RBFOX1: variants seen among roughly 807,000 people sequenced by gnomAD.
The protein encoded by RBFOX1 is RNA binding protein fox-1 homolog 1.
RBFOX1 carries 8 observed loss-of-function variants against 57.7 expected under a neutral mutation model. That is an observed-to-expected ratio of 0.14 (90% CI 0.08 to 0.25). The LOEUF (loss-of-function observed/expected upper bound fraction) is 0.25. Among genes scored for constraint, RBFOX1 ranks in the 10% least tolerant of loss-of-function variants. RBFOX1 has a pLI of 1.00. For missense variants in RBFOX1, 611 were observed against 548.5 expected, an observed-to-expected ratio of 1.11 and a Z score of -1.14; for synonymous variants, 326 against 222.4, an observed-to-expected ratio of 1.47 and a Z score of -4.15.
intron 2 of RBFOX1, among the ~76,000 whole-genome samples, chr16:5,535,318 G>C (rs1014433538): frequency 2.6e-5 from 4 of 152,158 alleles, no homozygotes; most frequent in African/African-American, 9.7e-5. Context: ...GTGTGGAAGT[G>C]GGTGGGAGTA....
intron 3 of RBFOX1, among the ~76,000 whole-genome samples, chr16:6,987,770 G>A (rs1599276361): frequency 6.6e-6 from 1 of 152,150 alleles, no homozygotes; most frequent in African/African-American, 2.4e-5. Flanking sequence ...CAGAGGGGAG[G>A]AGAATAAGAA....
intron 1 of RBFOX1, among the ~76,000 whole-genome samples, chr16:6,202,254 T>C (rs1161661303): frequency 6.6e-6 from 1 of 152,204 alleles, no homozygotes; most frequent in African/African-American, 2.4e-5. Context: ...TGTTCTCTTA[T>C]CTCAGGTATC....
chr16:6,965,145 G>A (rs2083838497), intron 3 of RBFOX1, among the ~76,000 whole-genome samples: 1 of 152,064 alleles, frequency 6.6e-6, no homozygotes, highest in Non-Finnish European at 1.5e-5. Context: ...CGGGGCCAAG[G>A]GCAACTGTAC....
intron 3 of RBFOX1, among the ~76,000 whole-genome samples, chr16:5,786,282 C>T (rs2054497719): frequency 6.6e-6 from 1 of 152,162 alleles, no homozygotes; most frequent in African/African-American, 2.4e-5. Context: ...TCCAGCTTGT[C>T]TCTTAGCTCT....
chr16:6,619,445 A>G (rs1194278498), intron 2 of RBFOX1, among the ~76,000 whole-genome samples: 5 of 152,174 alleles, frequency 3.3e-5, no homozygotes, highest in Non-Finnish European at 7.4e-5. Context: ...GTGAAACTAC[A>G]TCAATTACAG....
intron 3 of RBFOX1, among the ~76,000 whole-genome samples, chr16:7,028,891 T>C (rs2041818210): frequency 6.6e-6 from 1 of 151,106 alleles, no homozygotes; most frequent in African/African-American, 2.4e-5. Context: ...GCTCTGCCAC[T>C]CAGCTATGTG....
chr16:5,777,981 A>C (rs1338785976), intron 3 of RBFOX1, among the ~76,000 whole-genome samples: 1 of 152,158 alleles, frequency 6.6e-6, no homozygotes, highest in Non-Finnish European at 1.5e-5. Flanking sequence ...CTCATTTTGC[A>C]GAGTAGAAAA....
chr16:7,542,261 G>A (rs72773090), intron 5 of RBFOX1, among the ~76,000 whole-genome samples: 3,407 of 152,174 alleles, frequency 0.022, 69 homozygotes, highest in Non-Finnish European at 0.038. Context: ...AAATATCTAG[G>A]CAAGCAGCCA....
chr16:5,573,532 A>G (rs2046354218), intron 2 of RBFOX1, among the ~76,000 whole-genome samples: 3 of 152,216 alleles, frequency 2.0e-5, no homozygotes, highest in Non-Finnish European at 2.9e-5. Context: ...TGAGAGGTTC[A>G]GCTCCACGGA....
At position 6,734,043 on chromosome 16, in the gene RBFOX1, G is replaced by T. The variant is rs2069400868; in HGVS notation, c.-16+79393G>T. On this transcript the variant is annotated intron_variant, in intron 3 of 15. Coordinates refer to ENST00000550418, the MANE Select transcript of RBFOX1 (RefSeq NM_018723.4). ...AGTTTAACACGTGCTTATGTTTCTT[G>T]CCATGGTCATTTTAGAGAACTTATA... Among the ~76,000 whole-genome samples the T allele has an allele frequency of 2.0e-5, 3 of 152,298 alleles. 1 individual carries two copies. The Middle Eastern group carries it at 0.01, about 518-fold the overall frequency.
intron 1 of RBFOX1, among the ~76,000 whole-genome samples, chr16:6,093,960 G>C (rs1050085117): frequency 6.6e-6 from 1 of 152,074 alleles, no homozygotes; most frequent in East Asian, 1.9e-4. Context: ...TCTTCTGCCC[G>C]CCCCTGCTGG....
chr16:6,969,794 C>T (rs1433503785), intron 3 of RBFOX1, among the ~76,000 whole-genome samples: 1 of 151,896 alleles, frequency 6.6e-6, no homozygotes, highest in African/African-American at 2.4e-5. Flanking sequence ...TCTCTGGTGC[C>T]CCCTTCAGTT....
chr16:6,836,394 G>C (rs968491846), intron 3 of RBFOX1, among the ~76,000 whole-genome samples: 2 of 152,166 alleles, frequency 1.3e-5, no homozygotes, highest in African/African-American at 4.8e-5. Context: ...AAACCCCATA[G>C]GGTTTTAACC....
At chr16:6,521,260 A>G (rs1452635720) in intron 2 of RBFOX1, among the ~76,000 whole-genome samples, 2 of 152,178 alleles carry the variant, frequency 1.3e-5, no homozygotes, top group Non-Finnish European at 2.9e-5. Context: ...TCATTGGTCA[A>G]GGAAAAGGTG....
chr16:5,318,466 T>C (rs2064303992), intron 1 of RBFOX1, among the ~76,000 whole-genome samples: 2 of 152,130 alleles, frequency 1.3e-5, no homozygotes, highest in Non-Finnish European at 2.9e-5. Context: ...ACCCATGAAT[T>C]TGCCTTCTCA....
Position 5,947,164 on chromosome 16 carries a change from C to T in RBFOX1, c.351+79829C>T, listed in dbSNP as rs572521744. Among the ~76,000 whole-genome samples, 32 of 152,134 alleles carry T rather than the reference C, an allele frequency of 2.1e-4. No individual in the cohort carries two copies. Among genetic ancestry groups the T allele is most frequent in the Middle Eastern group, 3.4e-3 (1 of 294 alleles). ...TCAGGAGGTTGAGGTTGCAGCGAGC[C>T]GTGATTCTGCCACTGCTCTCCAGCC... On this transcript the variant is annotated intron_variant, in intron 4 of 19. Coordinates refer to the RBFOX1 transcript ENST00000641259. The surrounding 1 kb of genome is among the most constrained non-coding windows in gnomAD (Gnocchi z 7.2).
intron 1 of RBFOX1, among the ~76,000 whole-genome samples, chr16:5,352,485 C>T (rs932394369): frequency 1.3e-5 from 2 of 152,202 alleles, no homozygotes; most frequent in African/African-American, 4.8e-5. Flanking sequence ...CTTGCACTCT[C>T]TGTCTCTTTA....
intron 3 of RBFOX1, among the ~76,000 whole-genome samples, chr16:6,881,603 TG>T (rs2062948748): frequency 6.6e-6 from 1 of 152,178 alleles, no homozygotes; most frequent in African/African-American, 2.4e-5. Flanking sequence ...CAGCCCACTC[TG>T]AGGACCTGAC....
At chr16:5,674,331 A>T (rs899613846) in intron 3 of RBFOX1, among the ~76,000 whole-genome samples, 1 of 152,200 alleles carries the variant, frequency 6.6e-6, no homozygotes, top group African/African-American at 2.4e-5. Flanking sequence ...TTTATTTCCT[A>T]TGTAATCTCC....
Sources: allele counts gnomAD v4.1 joint callset (sites outside exome capture counted in the v4.1 genomes callset), GRCh38; gene constraint gnomAD v4.1.1; non-coding constraint Gnocchi (gnomAD v3.1); transcripts MANE v1.5; gene names NCBI Gene and HGNC (gene_info 2026-07-23, HGNC 2026-07-21).